Variants in ADCY9 observed in about 807,000 individuals in gnomAD.
ADCY9 encodes adenylate cyclase 9, also known as adenylate cyclase type 9.
Under a neutral mutation model 101.5 loss-of-function variants are expected in ADCY9, and 50 were observed. The ratio of observed to expected loss-of-function variants is 0.49; its 90% confidence interval spans 0.39 to 0.62. ADCY9 has a LOEUF of 0.62. ADCY9 is among the 20% of genes least tolerant of loss of function. ADCY9 has a pLI of 0.00. For synonymous variants in ADCY9, 905 were observed against 769.3 expected, an observed-to-expected ratio of 1.18 and a Z score of -2.92; for missense variants, 1,662 against 1,800.4, an observed-to-expected ratio of 0.92 and a Z score of 1.39.
chr16:3,997,339 C>T (rs894669754), intron 3 of ADCY9, among the ~76,000 whole-genome samples: 1 of 152,254 alleles, frequency 6.6e-6, no homozygotes, highest in African/African-American at 2.4e-5. Context: ...TCCACAAGGG[C>T]TTCCCTCAGA....
Position 3,979,359 on chromosome 16 carries a change from C to A in ADCY9, c.2520-84G>T, listed in dbSNP as rs565782362. ...GAGACAGGTGCGAGGCCGCAGCCAGCGCCGCCCTCTGCTCTCTCCCGTGTT... is the reference window on the plus strand; with the variant it reads ...GAGACAGGTGCGAGGCCGCAGCCAGAGCCGCCCTCTGCTCTCTCCCGTGTT... On this transcript the variant is annotated intron_variant, in intron 7 of 10. Coordinates refer to ENST00000294016, the MANE Select transcript of ADCY9 (RefSeq NM_001116.4). 6.0e-6 allele frequency: 9 copies of A among 1,496,558 alleles called. No homozygotes were observed. In the African/African-American group the frequency reaches 8.3e-5, roughly 14 times the overall value. 92.7% of individuals were successfully genotyped at this position (1,496,558 alleles called of 1,614,324 possible). A position where few individuals can be genotyped will look rare whatever the true frequency, so the allele number is the denominator to read the frequency against.
chr16:3,987,821 G>A (rs1405940197), intron 6 of ADCY9, among the ~76,000 whole-genome samples: 1 of 152,136 alleles, frequency 6.6e-6, no homozygotes, highest in African/African-American at 2.4e-5. Context: ...GGTGGGGAGG[G>A]CATCCACTCT....
rs139484982 is a variant in ADCY9 at position 4,074,474 on chromosome 16, C to A, written c.1693+39276G>T. 1.2e-3 allele frequency among the ~76,000 whole-genome samples: 176 copies of A among 150,554 alleles called. 1 individual carries two copies. The highest frequency in any genetic ancestry group is 4.0e-3 in the African/African-American group (163 of 40,860). ...CTTTGGGAGGTAGAGGTGGGAGGAG[C>A]ACTTGAGGCCAGGAGTTCAAGACCA... On this transcript the variant is annotated intron_variant, in intron 2 of 10. Transcript: ENST00000294016.
At chr16:4,040,435 C>T (rs1415497769) in intron 2 of ADCY9, among the ~76,000 whole-genome samples, 1 of 151,520 alleles carries the variant, frequency 6.6e-6, no homozygotes, top group Non-Finnish European at 1.5e-5. Flanking sequence ...CAAAGAACTG[C>T]TCATTAAAAT....
chr16:3,960,030 A>G (rs574164807), downstream of ADCY9, among the ~76,000 whole-genome samples: 1 of 152,126 alleles, frequency 6.6e-6, no homozygotes, highest in Non-Finnish European at 1.5e-5. Context: ...TGTCTCAAAA[A>G]AAATAAATAA....
chr16:4,068,827 A>C (rs2056816144), intron 2 of ADCY9, among the ~76,000 whole-genome samples: 1 of 152,016 alleles, frequency 6.6e-6, no homozygotes, highest in Non-Finnish European at 1.5e-5. Flanking sequence ...AAAAAAAAAA[A>C]AAAACAATTC....
intron 3 of ADCY9, among the ~76,000 whole-genome samples, chr16:3,998,279 T>A (rs1056336889): frequency 1.3e-5 from 2 of 152,054 alleles, no homozygotes; most frequent in Non-Finnish European, 2.9e-5. Flanking sequence ...GGCACAGTGG[T>A]GTGTGCTTGT....
chr16:4,103,153 A>G (rs2057054569), intron 2 of ADCY9, among the ~76,000 whole-genome samples: 1 of 152,236 alleles, frequency 6.6e-6, no homozygotes, highest in African/African-American at 2.4e-5. Context: ...CACAGGCAAT[A>G]TGTAATGGGT....
rs2057138042 is a variant in ADCY9 at position 4,114,840 on chromosome 16, G to A, written c.603C>T (p.Arg201=). Residue 201 remains arginine, a synonymous_variant, in exon 2 of 11, where the codon CGC becomes CGT. Transcript: ENST00000294016. This position sits in a 1 kb window ranked among gnomAD's most constrained non-coding sequence, Gnocchi z 4.3. ...QFQVLTPVSG[R]GDSSNLTATA... ...TGGCCGTAAGGTTGGAGCTGTCGCC[G>A]CGTCCTGAGACAGGCGTCAAGACCT... is the stretch of plus-strand genomic sequence containing the variant. 6.2e-7 allele frequency: 1 copy of A among 1,613,506 alleles called. No homozygotes were observed. Among genetic ancestry groups the A allele is most frequent in the African/African-American group, 1.3e-5 (1 of 75,066 alleles).
At chr16:4,050,169 CA>C (rs1184298904) in intron 2 of ADCY9, among the ~76,000 whole-genome samples, 1 of 151,522 alleles carries the variant, frequency 6.6e-6, no homozygotes, top group African/African-American at 2.4e-5. Flanking sequence ...ATACAAGGGT[CA>C]ATAAATAAAA....
intron 2 of ADCY9, among the ~76,000 whole-genome samples, chr16:4,081,057 C>T (rs1428451785): frequency 6.6e-6 from 1 of 152,058 alleles, no homozygotes; most frequent in African/African-American, 2.4e-5. Context: ...ATTTTTAAAC[C>T]GAGAAATATT....
At chr16:4,036,277 C>T (rs2056588799) in intron 2 of ADCY9, among the ~76,000 whole-genome samples, 1 of 151,954 alleles carries the variant, frequency 6.6e-6, no homozygotes, top group Non-Finnish European at 1.5e-5. Flanking sequence ...ACCACGTCCC[C>T]TTATGAGTTT....
At position 3,965,948 on chromosome 16, in the gene ADCY9, T is replaced by C. The variant is rs888717225; in HGVS notation, c.3889A>G (p.Ser1297Gly). Residue 1297 changes from serine (S) to glycine (G), a missense_variant, in exon 11 of 11, where the codon AGC becomes GGC. By Grantham distance (56) the Ser-to-Gly change is moderately conservative (BLOSUM62 0). Coordinates refer to ENST00000294016, the MANE Select transcript of ADCY9 (RefSeq NM_001116.4). The part of the protein sequence containing the change: ...YVDKTSLGSD[S>G]STQAKDAHLS... Reference sequence around the variant, plus strand: ...TGGGCATCCTTGGCCTGCGTGCTGCTGTCAGAACCCAGAGATGTCTTGTCC... The same window carrying C: ...TGGGCATCCTTGGCCTGCGTGCTGCCGTCAGAACCCAGAGATGTCTTGTCC... 6.2e-7 allele frequency: 1 copy of C among 1,614,106 alleles called. No homozygotes were observed. The highest frequency in any genetic ancestry group is 1.3e-5 in the African/African-American group (1 of 74,930).
chr16:3,986,599 A>T (rs1039060386), intron 6 of ADCY9, among the ~76,000 whole-genome samples: 16 of 152,066 alleles, frequency 1.1e-4, no homozygotes, highest in African/African-American at 3.9e-4. Context: ...CTGGGATTAC[A>T]GGCGCCCGCC....
At chr16:3,958,075 G>C (rs555386164), downstream of ADCY9, among the ~76,000 whole-genome samples, 1 of 152,284 alleles carries the variant, frequency 6.6e-6, no homozygotes, top group South Asian at 2.1e-4. Flanking sequence ...GATTGGCAGA[G>C]ACGTCTGGGT....
At chr16:4,013,298 T>TA (rs2056416232) in intron 2 of ADCY9, among the ~76,000 whole-genome samples, 1 of 150,580 alleles carries the variant, frequency 6.6e-6, no homozygotes, top group African/African-American at 2.4e-5. Context: ...CACACGCCTG[T>TA]AAATCCCAGC....
chr16:4,115,856 T>G lies in ADCY9; in HGVS notation c.-210A>C. The G allele has an allele frequency of 2.5e-6, 1 of 397,232 alleles. No homozygotes were observed. Among genetic ancestry groups the G allele is most frequent in the Non-Finnish European group, 4.4e-6 (1 of 225,360 alleles). 24.6% of individuals were successfully genotyped at this position (397,232 alleles called of 1,614,324 possible). A position where few individuals can be genotyped will look rare whatever the true frequency, so the allele number is the denominator to read the frequency against. ...CGGCTCCGGAGGGAAGTTCAGACCT[T>G]GAGCGCTCCCAGCCCCGCGAGCCGC... On this transcript the variant is annotated 5_prime_UTR_variant, in exon 1 of 11. Transcript: ENST00000294016. The surrounding 1 kb of genome is among the most constrained non-coding windows in gnomAD (Gnocchi z 6.2).
intron 2 of ADCY9, among the ~76,000 whole-genome samples, chr16:4,076,517 T>A (rs1445608739): frequency 6.6e-6 from 1 of 152,222 alleles, no homozygotes; most frequent in Admixed American, 6.5e-5. Context: ...AGATGAAATA[T>A]TCCCAAGCTC....
chr16:4,015,757 G>C (rs909327862), intron 2 of ADCY9: 1 of 151,980 alleles, frequency 6.6e-6, no homozygotes, highest in Non-Finnish European at 1.5e-5. Context: ...ACTTGAGGTC[G>C]GGAGTTCAAG....
Sources: allele counts gnomAD v4.1 joint callset (sites outside exome capture counted in the v4.1 genomes callset), GRCh38; gene constraint gnomAD v4.1.1; non-coding constraint Gnocchi (gnomAD v3.1); transcripts MANE v1.5; gene names NCBI Gene and HGNC (gene_info 2026-07-23, HGNC 2026-07-21).